PI4KA: variants seen among roughly 807,000 people sequenced by gnomAD.
PI4KA encodes phosphatidylinositol 4-kinase alpha, also known as PI4-kinase alpha.
In PI4KA, 122 loss-of-function variants were observed where a neutral mutation model predicts 271.4. The observed-to-expected ratio is 0.45, with a 90% confidence interval of 0.39 to 0.52. PI4KA has a LOEUF of 0.52. Among genes scored for constraint, PI4KA ranks in the 20% least tolerant of loss-of-function variants. The probability of loss-of-function intolerance (pLI) is 0.00; values close to 1 mark genes in which losing one functional copy is unlikely to be tolerated. For synonymous variants in PI4KA, 1,041 were observed against 1,078.8 expected (o/e 0.96, Z 0.69); for missense variants, 1,969 against 2,769.1 (o/e 0.71, Z 6.48).
rs560143314 is a variant in PI4KA at position 20,793,004 on chromosome 22, G to A, written c.2328+189C>T. 2.0e-5 allele frequency among the ~76,000 whole-genome samples: 3 copies of A among 152,234 alleles called. No individual in the cohort carries two copies. In the South Asian group the frequency reaches 6.2e-4, roughly 32 times the overall value. Reference sequence around the variant, plus strand: ...CAGGTCATGGAGAAAGGGAGTGAAGGATGTGCCATGGTGGACACACCTATG... The same window carrying A: ...CAGGTCATGGAGAAAGGGAGTGAAGAATGTGCCATGGTGGACACACCTATG... On this transcript the variant is annotated intron_variant, in intron 19 of 54. Transcript: ENST00000255882.
At chr22:20,804,510 T>C in intron 11 of PI4KA, 110 bp from the exon 12 acceptor site, 1 of 759,710 alleles carries the variant, frequency 1.3e-6, no homozygotes, top group Non-Finnish European at 2.3e-6. Flanking sequence ...AGACATACTT[T>C]AGGCAGGGCT....
At chr22:20,711,500 G>A (rs1925269826) in intron 50 of PI4KA, 39 bp from the exon 51 acceptor site, 2 of 1,170,958 alleles carry the variant, frequency 1.7e-6, no homozygotes, top group Non-Finnish European at 2.5e-6. Context: ...AGGCCCTGGG[G>A]CCTGTGGGCA....
Position 20,798,588 on chromosome 22 carries a change from A to G in PI4KA, c.2104T>C (p.Tyr702His). 1 of 1,592,056 alleles carries G rather than the reference A, an allele frequency of 6.3e-7. No individual in the cohort carries two copies. Among genetic ancestry groups the G allele is most frequent in the Non-Finnish European group, 8.6e-7 (1 of 1,159,774 alleles). ...SATKDYKDHGYRHCSLAVINA... is the reference protein window; with the variant it reads ...SATKDYKDHGHRHCSLAVINA... ...GTGACAATGAGGTCCAGTTACCTAT[A>G]GCCGTGGTCCTTGTAATCTTTGGTG... Residue 702 changes from tyrosine to histidine, a missense_variant, in exon 17 of 55, where the codon TAT (tyrosine) becomes CAT (histidine). By Grantham distance (83) the Tyr-to-His change is moderately conservative. Around this residue, in one of 13 missense-constraint regions of PI4KA, gnomAD observed 368 missense variants for 544.3 expected, o/e 0.68. Transcript: ENST00000255882.
At chr22:20,800,796 C>T (rs1935258348) in intron 14 of PI4KA, among the ~76,000 whole-genome samples, 4 of 150,192 alleles carry the variant, frequency 2.7e-5, no homozygotes, top group Admixed American at 2.0e-4. Context: ...ATGGCGTGAA[C>T]CCAGGAGGCG....
At chr22:20,787,014 G>GC in intron 19 of PI4KA, 2 of 1,614,066 alleles carry the variant, frequency 1.2e-6, no homozygotes, top group Non-Finnish European at 1.7e-6. Context: ...TACGAGCATC[G>GC]CACCAGCTGC....
At position 20,729,960 on chromosome 22, in the gene PI4KA, T is replaced by G. The variant is rs1927819980; in HGVS notation, c.4340A>C (p.Gln1447Pro). The G allele has an allele frequency of 6.2e-7, 1 of 1,614,068 alleles. No homozygotes were observed. Among genetic ancestry groups the G allele is most frequent in the African/African-American group, 1.3e-5 (1 of 74,930 alleles). Residue 1447 changes from glutamine (Q) to proline (P), a missense_variant, in exon 37 of 55, where the codon CAA (glutamine) becomes CCA (proline). By Grantham distance (76) the Gln-to-Pro change is moderately conservative. Around this residue, in one of 13 missense-constraint regions of PI4KA, gnomAD observed 23 missense variants for 23.2 expected, o/e 0.99. Transcript: ENST00000255882. The part of the protein sequence containing the change: ...NLDITVGSRQ[Q>P]ATQGWINTYP... ...TGTGTTGATCCAGCCTTGGGTGGCT[T>G]GTTGCCGAGAGCCGACAGTTATGTC... is the stretch of plus-strand genomic sequence containing the variant.
chr22:20,709,409 T>C (rs1455646731), intron 53 of PI4KA, 30 bp from the exon 54 acceptor site: 7 of 1,125,100 alleles, frequency 6.2e-6, no homozygotes, highest in East Asian at 5.2e-5. Flanking sequence ...AGGGCTGCCA[T>C]GGGCAGGGCC....
chr22:20,854,278 G>T (rs879520154), intron 1 of PI4KA, among the ~76,000 whole-genome samples: 1 of 151,944 alleles, frequency 6.6e-6, no homozygotes, highest in African/African-American at 2.4e-5. Flanking sequence ...CCGCCACCAC[G>T]CCTGGCTAAT....
At chr22:20,715,763 C>T (rs777930572) in intron 45 of PI4KA, among the ~76,000 whole-genome samples, 1 of 152,202 alleles carries the variant, frequency 6.6e-6, no homozygotes, top group African/African-American at 2.4e-5. Flanking sequence ...CATGAGCCAC[C>T]GCGCCCGGCC....
intron 38 of PI4KA, 56 bp downstream of exon 38, chr22:20,729,576 A>G (rs1927766097): frequency 1.3e-6 from 2 of 1,550,616 alleles, no homozygotes; most frequent in African/African-American, 2.7e-5. Flanking sequence ...CCCGGCCACC[A>G]GGTGTCGTAC....
At chr22:20,829,582 CTT>C (rs34438790) in intron 3 of PI4KA, among the ~76,000 whole-genome samples, 1 of 146,334 alleles carries the variant, frequency 6.8e-6, no homozygotes. Context: ...AGCTAGTGAT[CTT>C]TTTTTTTTTA....
Position 20,764,816 on chromosome 22 carries a change from CCTCATGTA to C in PI4KA, c.2701_2708del (p.Tyr901GlyfsTer8). On this transcript the variant is annotated frameshift_variant and splice_region_variant, in exon 22 of 55. Transcript: ENST00000255882. LOFTEE classifies it high-confidence loss of function. The stretch of plus-strand genomic sequence containing the variant: ...GTGCATGGTGGTGAAGGCACGTGTA[CCTCATGTA>C]CTCCAGCCGGTACACAGAGAGGAGG... The C allele has an allele frequency of 6.2e-7, 1 of 1,610,512 alleles. No individual in the cohort carries two copies. Among genetic ancestry groups the C allele is most frequent in the East Asian group, 2.2e-5 (1 of 44,780 alleles).
chr22:20,796,014 T>C lies in PI4KA; in HGVS notation c.2277+132A>G, dbSNP rs200184024. The C allele has an allele frequency of 4.7e-4, 389 of 831,828 alleles. 4 individuals are homozygous for C. In the East Asian group the frequency reaches 9.9e-3, roughly 21 times the overall value. The allele number at this position is 831,828 out of a possible 1,614,324, so 51.5% of individuals were successfully genotyped here. A position where few individuals can be genotyped will look rare whatever the true frequency, so the allele number is the denominator to read the frequency against. On this transcript the variant is annotated intron_variant, in intron 18 of 54. Coordinates refer to ENST00000255882, the MANE Select transcript of PI4KA (RefSeq NM_058004.4). The stretch of plus-strand genomic sequence containing the variant: ...GAGAAAGAACCCCACCCCTTCTTAC[T>C]TGCATTCCAGGCACATTTAAATCAT...
chr22:20,759,184 C>T (rs983670443), intron 23 of PI4KA, among the ~76,000 whole-genome samples: 2 of 152,038 alleles, frequency 1.3e-5, no homozygotes, highest in Admixed American at 6.6e-5. Context: ...CTAGCTAGGA[C>T]GACAGGCATG....
At chr22:20,760,056 A>G (rs1931800076) in intron 23 of PI4KA, among the ~76,000 whole-genome samples, 1 of 152,188 alleles carries the variant, frequency 6.6e-6, no homozygotes, top group African/African-American at 2.4e-5. Flanking sequence ...ATTTCTCCAT[A>G]AGCAAGAACA....
intron 40 of PI4KA, 84 bp from the exon 41 acceptor site, chr22:20,727,481 G>T: frequency 7.9e-7 from 1 of 1,265,084 alleles, no homozygotes; most frequent in Non-Finnish European, 1.1e-6. Context: ...CACAAGGACG[G>T]CCATGAGAAG....
chr22:20,793,665 G>C (rs951270390), intron 18 of PI4KA, among the ~76,000 whole-genome samples: 2 of 152,226 alleles, frequency 1.3e-5, no homozygotes, highest in African/African-American at 4.8e-5. Flanking sequence ...GAAGAAATCT[G>C]TCAAAGTGTT....
chr22:20,852,135 A>G (rs1020938615), intron 1 of PI4KA, among the ~76,000 whole-genome samples: 1 of 152,164 alleles, frequency 6.6e-6, no homozygotes, highest in Non-Finnish European at 1.5e-5. Flanking sequence ...AAAAGTAAAT[A>G]AATAAATAAA....
chr22:20,727,828 G>A lies in PI4KA; in HGVS notation c.4719C>T (p.Thr1573=). 6.2e-7 allele frequency: 1 copy of A among 1,614,080 alleles called. No individual in the cohort carries two copies. Among genetic ancestry groups the A allele is most frequent in the East Asian group, 2.2e-5 (1 of 44,890 alleles). Residue 1573 remains threonine (T), a synonymous_variant, in exon 40 of 55, where the codon ACC becomes ACT. Coordinates refer to ENST00000255882, the MANE Select transcript of PI4KA (RefSeq NM_058004.4). ...KNTEAIGNEV[T]RLVRLDPGAV... The stretch of plus-strand genomic sequence containing the variant: ...CTCCCGGGTCCAACCGAACGAGACG[G>A]GTCACTTCGTTCCCAATGGCTTCTG...
Sources: allele counts gnomAD v4.1 joint callset (sites outside exome capture counted in the v4.1 genomes callset), GRCh38; gene constraint gnomAD v4.1.1; regional missense constraint gnomAD v4.1.1; transcripts MANE v1.5; gene names NCBI Gene and HGNC (gene_info 2026-07-23, HGNC 2026-07-21).